Variants in GABBR2 observed in about 807,000 individuals in gnomAD.
GABBR2 encodes the protein G-protein coupled receptor 51.
Under a neutral mutation model 105.6 loss-of-function variants are expected in GABBR2, and 23 were observed. The observed-to-expected ratio is 0.22, with a 90% CI of 0.16 to 0.31. GABBR2 has a LOEUF of 0.31. Ranked by LOEUF, GABBR2 falls within the 10% of genes least tolerant of loss-of-function variation. The pLI, the probability that GABBR2 is intolerant of heterozygous loss-of-function variation, is 1.00. For missense variants in GABBR2, 734 were observed against 1,245.5 expected (o/e 0.59, Z 6.18); for synonymous variants, 478 against 499.7 (o/e 0.96, Z 0.58).
chr9:98,552,486 T>C (rs1377113396), intron 2 of GABBR2, among the ~76,000 whole-genome samples: 1 of 152,186 alleles, frequency 6.6e-6, no homozygotes, highest in African/African-American at 2.4e-5. Context: ...CCAGGCTGTG[T>C]GTGTTGGGAA....
At chr9:98,411,392 G>C (rs10818892) in intron 7 of GABBR2, among the ~76,000 whole-genome samples, 2 of 151,998 alleles carry the variant, frequency 1.3e-5, no homozygotes, top group African/African-American at 2.4e-5. Flanking sequence ...CTGAGCATCA[G>C]TTCTTCTACT....
At chr9:98,544,405 A>C (rs180703150) in intron 2 of GABBR2, among the ~76,000 whole-genome samples, 1 of 152,270 alleles carries the variant, frequency 6.6e-6, no homozygotes, top group African/African-American at 2.4e-5. Flanking sequence ...TTCAGCCATT[A>C]CCTGAAGCTA....
chr9:98,509,599 A>T (rs1827593145), intron 3 of GABBR2, among the ~76,000 whole-genome samples: 1 of 152,256 alleles, frequency 6.6e-6, no homozygotes, highest in Non-Finnish European at 1.5e-5. Flanking sequence ...CTGAAAACCA[A>T]GGCACGAGAG....
At chr9:98,368,854 G>A (rs1249922647) in intron 12 of GABBR2, among the ~76,000 whole-genome samples, 1 of 152,190 alleles carries the variant, frequency 6.6e-6, no homozygotes, top group African/African-American at 2.4e-5. Context: ...CTTTGGCCAG[G>A]GATGGGGAAA....
intron 6 of GABBR2, among the ~76,000 whole-genome samples, chr9:98,457,208 G>A (rs1826339533): frequency 6.6e-6 from 1 of 152,196 alleles, no homozygotes; most frequent in South Asian, 2.1e-4. Flanking sequence ...AATGGCATTC[G>A]AGGGTTGGTG....
intron 3 of GABBR2, among the ~76,000 whole-genome samples, chr9:98,526,932 A>G (rs1827972981): frequency 6.7e-6 from 1 of 150,262 alleles, no homozygotes; most frequent in Admixed American, 6.7e-5. Context: ...CTGCTCTTCT[A>G]ACAGACATCA....
chr9:98,428,575 C>T (rs1027614760), intron 7 of GABBR2, among the ~76,000 whole-genome samples: 1 of 152,180 alleles, frequency 6.6e-6, no homozygotes, highest in Non-Finnish European at 1.5e-5. Context: ...TGGCCCCATG[C>T]TCAGCCTTGA....
intron 7 of GABBR2, among the ~76,000 whole-genome samples, chr9:98,439,628 A>G (rs767819699): frequency 6.6e-6 from 1 of 152,212 alleles, no homozygotes; most frequent in Non-Finnish European, 1.5e-5. Flanking sequence ...GTGTGTGTGC[A>G]TGCATGCATG....
At chr9:98,352,895 GTT>G (rs1401839308) in intron 13 of GABBR2, among the ~76,000 whole-genome samples, 1 of 152,134 alleles carries the variant, frequency 6.6e-6, no homozygotes, top group Non-Finnish European at 1.5e-5. Context: ...GGGAATGTCA[GTT>G]GGGCTTCAGT....
intron 1 of GABBR2, among the ~76,000 whole-genome samples, chr9:98,686,906 C>T (rs920386424): frequency 1.3e-5 from 2 of 152,048 alleles, no homozygotes; most frequent in African/African-American, 2.4e-5. Context: ...TGCCTCTCCC[C>T]AGCCCTGTAC....
intron 6 of GABBR2, among the ~76,000 whole-genome samples, chr9:98,465,121 T>TAA (rs57747633): frequency 5.7e-3 from 126 of 22,004 alleles, no homozygotes; most frequent in Admixed American, 0.014. Context: ...CAATAAATAC[T>TAA]AAAAAAAAAA....
At chr9:98,577,400 G>A (rs1429801399) in intron 2 of GABBR2, among the ~76,000 whole-genome samples, 1 of 152,230 alleles carries the variant, frequency 6.6e-6, no homozygotes, top group Non-Finnish European at 1.5e-5. Flanking sequence ...AGGGCAAAGA[G>A]TGAATAATTG....
chr9:98,646,171 T>C (rs1421115636), intron 1 of GABBR2, among the ~76,000 whole-genome samples: 1 of 152,200 alleles, frequency 6.6e-6, no homozygotes, highest in Non-Finnish European at 1.5e-5. Context: ...CCCACTCCCC[T>C]CTGATAAGAA....
intron 4 of GABBR2, among the ~76,000 whole-genome samples, chr9:98,490,265 G>T (rs114929348): frequency 0.01 from 1,524 of 152,138 alleles, 29 homozygotes; most frequent in African/African-American, 0.035. Flanking sequence ...AAAAAAAAAG[G>T]GTCACAACTA....
At chr9:98,661,862 T>G (rs1175785180) in intron 1 of GABBR2, among the ~76,000 whole-genome samples, 1 of 152,174 alleles carries the variant, frequency 6.6e-6, no homozygotes, top group Non-Finnish European at 1.5e-5. Context: ...GCCCCGTCCC[T>G]CAGAGCAGCC....
At chr9:98,650,643 C>G (rs887592442) in intron 1 of GABBR2, among the ~76,000 whole-genome samples, 7 of 152,310 alleles carry the variant, frequency 4.6e-5, no homozygotes, top group Non-Finnish European at 7.3e-5. Flanking sequence ...ACCATGTTCA[C>G]AGCAACATTA....
intron 7 of GABBR2, among the ~76,000 whole-genome samples, chr9:98,433,149 A>T (rs2131575999): frequency 6.6e-6 from 1 of 152,304 alleles, no homozygotes; most frequent in African/African-American, 2.4e-5. Context: ...ATGAACAGGG[A>T]ATTTTGTGTA....
At chr9:98,491,454 C>T (rs1161853921) in intron 4 of GABBR2, among the ~76,000 whole-genome samples, 1 of 152,206 alleles carries the variant, frequency 6.6e-6, no homozygotes, top group African/African-American at 2.4e-5. Context: ...GTGGTCTGCA[C>T]TGATCTGTTT....
chr9:98,529,103 C>T (rs112865073), intron 3 of GABBR2, among the ~76,000 whole-genome samples: 1 of 151,882 alleles, frequency 6.6e-6, no homozygotes, highest in Non-Finnish European at 1.5e-5. Flanking sequence ...AGCAAACACA[C>T]ATCTACCTCC....
Sources: gnomAD v4.1 joint callset for allele counts (sites outside exome capture counted in the v4.1 genomes callset) on GRCh38, gnomAD v4.1.1 for gene constraint, MANE v1.5 for transcripts, NCBI Gene and HGNC (gene_info 2026-07-23, HGNC 2026-07-21) for gene names.